Variants in GLYATL1 observed in about 807,000 individuals in gnomAD.
GLYATL1 encodes glycine N-acyltransferase-like protein 1.
Under a neutral mutation model 20.0 loss-of-function variants are expected in GLYATL1, and 15 were observed. The observed-to-expected ratio is 0.75, with a 90% CI of 0.50 to 1.15. GLYATL1 has a LOEUF of 1.15. Ranked by LOEUF, GLYATL1 falls within the 50% of genes most tolerant of loss-of-function variation. The probability of loss-of-function intolerance (pLI) is 0.00; values close to 1 mark genes in which losing one functional copy is unlikely to be tolerated. For synonymous variants in GLYATL1, 151 were observed against 131.5 expected, an observed-to-expected ratio of 1.15 and a Z score of -1.01; for missense variants, 380 against 368.5, an observed-to-expected ratio of 1.03 and a Z score of -0.26.
intron 1 of GLYATL1, 36 bp from the exon 2 acceptor site, chr11:58,943,507 T>C (rs1565128753): frequency 6.4e-7 from 1 of 1,568,938 alleles, no homozygotes; most frequent in Middle Eastern, 1.7e-4. Context: ...TGAAACTCCT[T>C]TAAGTTTAAT....
At chr11:58,925,269 A>G (rs867306897), upstream of GLYATL1, among the ~76,000 whole-genome samples, 7 of 152,318 alleles carry the variant, frequency 4.6e-5, no homozygotes, top group South Asian at 6.2e-4. Context: ...ACTTTTTTAA[A>G]TTTAGCCAAT....
chr11:58,954,809 C>A lies in GLYATL1; in HGVS notation c.226C>A (p.Arg76Ser), dbSNP rs151204927. The change falls in exon 5 of 7, where the codon CGT becomes AGT. Residue 76 changes from arginine (R) to serine (S), a missense_variant. By Grantham distance (110) the Arg-to-Ser change is moderately radical. Coordinates refer to ENST00000532726, the MANE Select transcript of GLYATL1 (RefSeq NM_001389712.2). Reference sequence around the variant, plus strand: ...CATGGATTCATACACAAACGTATATCGTATGTTCTCCAAAGAGCCTCAAAA... The same window carrying A: ...CATGGATTCATACACAAACGTATATAGTATGTTCTCCAAAGAGCCTCAAAA... ...DDMDSYTNVY[R>S]MFSKEPQKSE... The A allele has an allele frequency of 1.2e-6, 2 of 1,612,084 alleles. No homozygotes were observed. Among genetic ancestry groups the A allele is most frequent in the Non-Finnish European group, 1.7e-6 (2 of 1,178,860 alleles).
At position 58,955,357 on chromosome 11, in the gene GLYATL1, CA is replaced by C. The variant is rs1565137279; in HGVS notation, c.491+9del. The C allele has an allele frequency of 6.2e-7, 1 of 1,609,014 alleles. No individual in the cohort carries two copies. The highest frequency in any genetic ancestry group is 8.5e-7 in the Non-Finnish European group (1 of 1,177,826). ...ACCCAGATGATGAATTTGAAAGGTA[CA>C]AAAACATGTGCTGATCATTTATAAT... is the stretch of plus-strand genomic sequence containing the variant. On this transcript the variant is annotated splice_donor_5th_base_variant and intron_variant, in intron 6 of 6. Transcript: ENST00000532726.
chr11:58,906,836 T>C (rs1164457345), intron 1 of GLYATL1, among the ~76,000 whole-genome samples: 1 of 152,144 alleles, frequency 6.6e-6, no homozygotes, highest in Non-Finnish European at 1.5e-5. Context: ...TGTGGCCACA[T>C]AGACGGTTGT....
At chr11:58,953,861 G>A (rs970317554) in intron 4 of GLYATL1, among the ~76,000 whole-genome samples, 2 of 152,034 alleles carry the variant, frequency 1.3e-5, no homozygotes, top group African/African-American at 2.4e-5. Context: ...CTGCTAAAAC[G>A]CTCACACTTA....
chr11:58,917,326 C>T (rs1321700018), intron 1 of GLYATL1: 2 of 152,188 alleles, frequency 1.3e-5, no homozygotes, highest in African/African-American at 4.8e-5. Context: ...CAGAGTTAAA[C>T]AGGAGGATTT....
upstream of GLYATL1, among the ~76,000 whole-genome samples, chr11:58,923,602 T>C (rs1325084693): frequency 6.6e-6 from 1 of 152,184 alleles, no homozygotes; most frequent in Non-Finnish European, 1.5e-5. Context: ...TTCCTTTTGA[T>C]TGAGTTCTAG....
downstream of GLYATL1, among the ~76,000 whole-genome samples, chr11:58,913,105 A>G (rs1855090272): frequency 6.6e-6 from 1 of 151,920 alleles, no homozygotes; most frequent in African/African-American, 2.4e-5. Context: ...AGGGGAGAGG[A>G]GCTGAGCAGC....
At chr11:58,937,003 C>T (rs918744148), upstream of GLYATL1, among the ~76,000 whole-genome samples, 1 of 152,190 alleles carries the variant, frequency 6.6e-6, no homozygotes. Flanking sequence ...TCTACAGAGG[C>T]AGATTGTTGT....
At chr11:58,912,370 C>T (rs546400187), downstream of GLYATL1, among the ~76,000 whole-genome samples, 5 of 152,326 alleles carry the variant, frequency 3.3e-5, no homozygotes, top group African/African-American at 9.6e-5. Flanking sequence ...AGTGGCTCCT[C>T]CTAGCAGACT....
chr11:58,931,179 T>C lies in GLYATL1; in HGVS notation c.-212+3350T>C, dbSNP rs755693452. Among the ~76,000 whole-genome samples the C allele has an allele frequency of 2.0e-5, 3 of 152,334 alleles. No individual in the cohort carries two copies. The South Asian group carries it at 6.2e-4, about 32-fold the overall frequency. On this transcript the variant is annotated intron_variant, in intron 1 of 7. Coordinates refer to the GLYATL1 transcript ENST00000317391. Reference sequence around the variant, plus strand: ...GAGGGAAAGATCTGTTCCAGGACTCTCTCCTTGATTTGTAGTTGGCCATGT... The same window carrying C: ...GAGGGAAAGATCTGTTCCAGGACTCCCTCCTTGATTTGTAGTTGGCCATGT...
downstream of GLYATL1, among the ~76,000 whole-genome samples, chr11:58,912,171 T>C (rs1431919511): frequency 6.6e-6 from 1 of 152,202 alleles, no homozygotes; most frequent in African/African-American, 2.4e-5. Flanking sequence ...TCTGGGAGAA[T>C]AGGCAAACCT....
At chr11:58,948,159 G>A (rs1415227814) in intron 4 of GLYATL1, among the ~76,000 whole-genome samples, 194 bp downstream of exon 4, 1 of 152,192 alleles carries the variant, frequency 6.6e-6, no homozygotes, top group African/African-American at 2.4e-5. Context: ...ACCCTTCTGG[G>A]AAAGGGGGTG....
rs770380906 is a variant in GLYATL1, at chr11:58,954,767, C to T, written c.187-3C>T. Reference sequence around the variant, plus strand: ...TGACCTGATCTTATATCATCCAATACAGGAGATGACTGATGACATGGATTC... The same window carrying T: ...TGACCTGATCTTATATCATCCAATATAGGAGATGACTGATGACATGGATTC... On this transcript the variant is annotated splice_region_variant and splice_polypyrimidine_tract_variant and intron_variant, in intron 4 of 6. Transcript: ENST00000532726. The T allele has an allele frequency of 3.8e-6, 6 of 1,598,046 alleles. No homozygotes were observed. The highest frequency in any genetic ancestry group is 1.4e-5 in the African/African-American group (1 of 73,700).
At chr11:58,910,624 A>G (rs1194618253), downstream of GLYATL1, among the ~76,000 whole-genome samples, 1 of 152,150 alleles carries the variant, frequency 6.6e-6, no homozygotes, top group Non-Finnish European at 1.5e-5. Flanking sequence ...AAAACTGCCA[A>G]ACTGTTTGTG....
intron 1 of GLYATL1, among the ~76,000 whole-genome samples, chr11:58,940,273 C>T (rs1031220655): frequency 2.0e-5 from 3 of 152,144 alleles, no homozygotes; most frequent in Admixed American, 6.5e-5. Context: ...TAAACTGCCA[C>T]GGAAACTGTT....
At chr11:58,947,414 T>C in intron 3 of GLYATL1, 1 of 549,196 alleles carries the variant, frequency 1.8e-6, no homozygotes. Context: ...GAACATGGTT[T>C]GGAGCCTGTC....
chr11:58,927,270 T>C, upstream of GLYATL1, among the ~76,000 whole-genome samples: 1 of 152,244 alleles, frequency 6.6e-6, no homozygotes, highest in Non-Finnish European at 1.5e-5. Flanking sequence ...GCAGTGGCTA[T>C]TATCTGAAAA....
intron 1 of GLYATL1, among the ~76,000 whole-genome samples, chr11:58,940,993 A>G (rs1411564747): frequency 6.6e-6 from 1 of 152,100 alleles, no homozygotes; most frequent in South Asian, 2.1e-4. Flanking sequence ...AGAGAATGAC[A>G]ATGGGGCACA....
Sources: allele counts gnomAD v4.1 joint callset (sites outside exome capture counted in the v4.1 genomes callset), GRCh38; gene constraint gnomAD v4.1.1; transcripts MANE v1.5; gene names NCBI Gene and HGNC (gene_info 2026-07-23, HGNC 2026-07-21).